Variants in LMTK2 observed in about 807,000 individuals in gnomAD.
The protein encoded by LMTK2 is serine/threonine-protein kinase LMTK2.
LMTK2 carries 37 observed loss-of-function variants against 127.5 expected under a neutral mutation model. The ratio of observed to expected loss-of-function variants is 0.29; its 90% CI spans 0.22 to 0.38. The LOEUF is 0.38. Ranked by LOEUF, LMTK2 falls within the 10% of genes least tolerant of loss-of-function variation. The probability of loss-of-function intolerance (pLI) is 1.00; values close to 1 mark genes in which losing one functional copy is unlikely to be tolerated. For synonymous variants in LMTK2, 819 were observed against 810.1 expected (o/e 1.01, Z -0.19); for missense variants, 1,694 against 1,920.3 (o/e 0.88, Z 2.20).
intron 11 of LMTK2, among the ~76,000 whole-genome samples, chr7:98,198,033 T>C (rs1562923538): frequency 6.6e-6 from 1 of 152,188 alleles, no homozygotes; most frequent in African/African-American, 2.4e-5. Context: ...TTATGTAGAT[T>C]TGTTGATCTT....
chr7:98,155,586 G>A (rs1796915517), intron 5 of LMTK2, among the ~76,000 whole-genome samples: 1 of 151,180 alleles, frequency 6.6e-6, no homozygotes, highest in East Asian at 1.9e-4. Context: ...GCAATGTGGA[G>A]GACAGCCGAT....
intron 1 of LMTK2, among the ~76,000 whole-genome samples, chr7:98,133,717 C>CAGA (rs1201846646): frequency 6.6e-6 from 1 of 151,996 alleles, no homozygotes; most frequent in Admixed American, 6.6e-5. Flanking sequence ...CAGACCCTAG[C>CAGA]AGAAGTAAGT....
chr7:98,204,208 G>A, intron 13 of LMTK2, 22 bp downstream of exon 13: 2 of 1,545,684 alleles, frequency 1.3e-6, no homozygotes, highest in South Asian at 1.1e-5. Context: ...TGCGTGCTGG[G>A]GATTGGGAGT....
chr7:98,159,629 G>C (rs1243743751), intron 6 of LMTK2, among the ~76,000 whole-genome samples: 3 of 152,188 alleles, frequency 2.0e-5, no homozygotes, highest in Non-Finnish European at 4.4e-5. Flanking sequence ...TGCAGTCCCT[G>C]TGCTAAGCTA....
Position 98,115,930 on chromosome 7 carries a change from A to G in LMTK2, c.103+8650A>G, listed in dbSNP as rs185233270. Among the ~76,000 whole-genome samples, 340 of 152,328 alleles carry G rather than the reference A, an allele frequency of 2.2e-3. 2 individuals carry two copies. Among genetic ancestry groups the G allele is most frequent in the Non-Finnish European group, 4.1e-3 (276 of 68,032 alleles). On this transcript the variant is annotated intron_variant, in intron 1 of 13. Coordinates refer to ENST00000297293, the MANE Select transcript of LMTK2 (RefSeq NM_014916.4). The stretch of plus-strand genomic sequence containing the variant: ...GAGACAAAGTCTTGCTCTGTTGCCC[A>G]GGCTGGAGTGCAGTGAACTGTCATG...
At chr7:98,204,695 G>A (rs183801435) in intron 13 of LMTK2, among the ~76,000 whole-genome samples, 2 of 152,364 alleles carry the variant, frequency 1.3e-5, no homozygotes, top group Non-Finnish European at 1.5e-5. Flanking sequence ...GCCTGTTGTG[G>A]TCACTCTCAG....
chr7:98,168,322 G>A (rs1265580587), intron 6 of LMTK2, among the ~76,000 whole-genome samples: 1 of 152,218 alleles, frequency 6.6e-6, no homozygotes, highest in East Asian at 1.9e-4. Flanking sequence ...GGATGCCAGT[G>A]GGCGGGGGGA....
intron 7 of LMTK2, among the ~76,000 whole-genome samples, chr7:98,179,080 A>G (rs1293032258): frequency 6.6e-6 from 1 of 152,242 alleles, no homozygotes; most frequent in East Asian, 1.9e-4. Context: ...GGTCATGAGA[A>G]GCATTGCCTT....
At chr7:98,196,195 A>G (rs1190851457) in intron 11 of LMTK2, among the ~76,000 whole-genome samples, 1 of 151,848 alleles carries the variant, frequency 6.6e-6, no homozygotes, top group Non-Finnish European at 1.5e-5. Flanking sequence ...CTCAGAAAAA[A>G]AAAAAAAAAA....
At position 98,192,625 on chromosome 7, in the gene LMTK2, A is replaced by G. The variant is rs963175479; in HGVS notation, c.2160A>G (p.Ser720=). The change falls in exon 11 of 14, where the codon TCA becomes TCG. Residue 720 remains serine, a synonymous_variant. Transcript: ENST00000297293. ...ATCCATTGAATGTTCAAGAATTGTC[A>G]GAAAACTTTTTATTTCTTCAAGAGA... is the stretch of plus-strand genomic sequence containing the variant. ...NFDPLNVQEL[S]ENFLFLQEKN... 1 of 1,612,822 alleles carries G rather than the reference A, an allele frequency of 6.2e-7. No individual in the cohort carries two copies. The highest frequency in any genetic ancestry group is 8.5e-7 in the Non-Finnish European group (1 of 1,179,700).
At position 98,158,857 on chromosome 7, in the gene LMTK2, G is replaced by C. The variant is rs75581626; in HGVS notation, c.570-481G>C. Reference sequence around the variant, plus strand: ...CTGTATAGTCTGCCCTCTTTTAAATGCTGCTTTAAAATATTATCTCCTAAC... The same window carrying C: ...CTGTATAGTCTGCCCTCTTTTAAATCCTGCTTTAAAATATTATCTCCTAAC... On this transcript the variant is annotated intron_variant, in intron 5 of 13. Transcript: ENST00000297293. Among the ~76,000 whole-genome samples the C allele has an allele frequency of 4.7e-3, 715 of 152,220 alleles. 2 individuals are homozygous for C. Among genetic ancestry groups the C allele is most frequent in the Middle Eastern group, 0.014 (4 of 294 alleles).
At position 98,194,127 on chromosome 7, in the gene LMTK2, G is replaced by A. The variant is rs150887629; in HGVS notation, c.3662G>A (p.Arg1221His). 1.5e-5 allele frequency: 24 copies of A among 1,614,042 alleles called. No individual in the cohort carries two copies. The highest frequency in any genetic ancestry group is 1.3e-4 in the Admixed American group (8 of 60,016). ...GATGACTTCGAGACACAGGACGATC[G>A]CCCCTGCACCCTCGCTTCCACGGGG... ...SGDDFETQDD[R>H]PCTLASTGTN... Residue 1221 changes from arginine (R) to histidine (H), a missense_variant, in exon 11 of 14, where the codon CGC becomes CAC. Physicochemically the swap from Arg to His is conservative, Grantham distance 29 (BLOSUM62 0). Transcript: ENST00000297293. This position sits in a 1 kb window ranked among gnomAD's most constrained non-coding sequence, Gnocchi z 5.4.
intron 1 of LMTK2, among the ~76,000 whole-genome samples, chr7:98,107,638 T>TC (rs1212802191): frequency 6.6e-6 from 1 of 152,308 alleles, no homozygotes; most frequent in African/African-American, 2.4e-5. Flanking sequence ...TGCTTTTTTT[T>TC]CGCATCTCAT....
intron 1 of LMTK2, among the ~76,000 whole-genome samples, chr7:98,123,369 G>T (rs912393418): frequency 3.9e-5 from 6 of 152,164 alleles, no homozygotes; most frequent in Admixed American, 1.3e-4. Context: ...TGTTTGTGAT[G>T]ATTACAGTTC....
At chr7:98,140,381 G>A (rs1796678680) in intron 2 of LMTK2, among the ~76,000 whole-genome samples, 1 of 151,730 alleles carries the variant, frequency 6.6e-6, no homozygotes, top group Non-Finnish European at 1.5e-5. Context: ...AGAGCTCTCG[G>A]GCTCAAGTGA....
intron 7 of LMTK2, among the ~76,000 whole-genome samples, chr7:98,175,371 C>A (rs1191207857): frequency 1.3e-5 from 2 of 152,092 alleles, no homozygotes; most frequent in African/African-American, 4.8e-5. Flanking sequence ...CCAGTGTTAC[C>A]AGAAAAGAAG....
At position 98,187,002 on chromosome 7, in the gene LMTK2, C is replaced by T. The variant is rs371156284; in HGVS notation, c.998+4C>T. Reference sequence around the variant, plus strand: ...AGACTAAGTATAGTAATATCTGGTACGTATTGGCTTACCGTTTTATTAGTC... The same window carrying T: ...AGACTAAGTATAGTAATATCTGGTATGTATTGGCTTACCGTTTTATTAGTC... On this transcript the variant is annotated splice_donor_region_variant and intron_variant, in intron 9 of 13. Coordinates refer to ENST00000297293, the MANE Select transcript of LMTK2 (RefSeq NM_014916.4). 41 of 1,605,708 alleles carry T rather than the reference C, an allele frequency of 2.6e-5. No homozygotes were observed. The highest frequency in any genetic ancestry group is 1.1e-4 in the African/African-American group (8 of 74,464).
intron 6 of LMTK2, among the ~76,000 whole-genome samples, chr7:98,168,015 G>A (rs905133876): frequency 2.0e-5 from 3 of 152,188 alleles, no homozygotes; most frequent in Non-Finnish European, 4.4e-5. Context: ...GGAGAAGTGG[G>A]CAGGTCACTC....
At chr7:98,188,471 T>TA (rs1452775371) in intron 9 of LMTK2, among the ~76,000 whole-genome samples, 7 of 152,200 alleles carry the variant, frequency 4.6e-5, no homozygotes, top group Non-Finnish European at 2.9e-5. Context: ...ATTATATATA[T>TA]TTTTTTAGTA....
Sources: gnomAD v4.1 joint callset for allele counts (sites outside exome capture counted in the v4.1 genomes callset) on GRCh38, gnomAD v4.1.1 for gene constraint, Gnocchi (gnomAD v3.1) non-coding constraint, MANE v1.5 for transcripts, NCBI Gene and HGNC (gene_info 2026-07-23, HGNC 2026-07-21) for gene names.